The following ZC3H12B variants were observed in gnomAD, a reference collection of about 807,000 sequenced individuals.
The protein encoded by ZC3H12B is probable ribonuclease ZC3H12B.
ZC3H12B carries 7 observed loss-of-function variants against 43.9 expected under a neutral mutation model. The ratio of observed to expected loss-of-function variants is 0.16; its 90% CI spans 0.09 to 0.30. The LOEUF (loss-of-function observed/expected upper bound fraction) is 0.30, where lower values mean the gene tolerates loss of function less well. Ranked by LOEUF, ZC3H12B falls within the 10% of genes least tolerant of loss-of-function variation. ZC3H12B has a pLI of 1.00. For missense variants in ZC3H12B, 475 were observed against 670.2 expected (o/e 0.71, Z 3.22); for synonymous variants, 222 against 241.7 (o/e 0.92, Z 0.76).
At chrX:65,311,320 A>C in the ZC3H12B span, among the ~76,000 whole-genome samples, 1 of 112,211 alleles carries the variant, frequency 8.9e-6, no homozygotes, top group African/African-American at 3.2e-5. Context: ...ACCCCATCAA[A>C]AAGTGGGCAA....
chrX:65,329,981 A>G, the ZC3H12B span, among the ~76,000 whole-genome samples: 3 of 112,217 alleles, frequency 2.7e-5, no homozygotes, highest in East Asian at 5.6e-4. Context: ...GTCAGGTAAC[A>G]TGATGCCTCC....
intron 2 of ZC3H12B, among the ~76,000 whole-genome samples, chrX:65,378,965 G>C (rs753187073): frequency 8.9e-6 from 1 of 112,375 alleles, no homozygotes; most frequent in East Asian, 2.8e-4. Context: ...CTATGCCCAC[G>C]GAGTCTCATT....
At chrX:65,115,627 C>T in the ZC3H12B span, among the ~76,000 whole-genome samples, 1 of 111,541 alleles carries the variant, frequency 9.0e-6, no homozygotes, top group Non-Finnish European at 1.9e-5. Flanking sequence ...TAGGGAATCT[C>T]CCCCACTGTT....
chrX:65,182,011 A>G, the ZC3H12B span, among the ~76,000 whole-genome samples: 1 of 112,200 alleles, frequency 8.9e-6, no homozygotes, highest in Non-Finnish European at 1.9e-5. Context: ...CCAAATGCCC[A>G]TCTATGATAG....
the ZC3H12B span, among the ~76,000 whole-genome samples, chrX:65,286,224 A>G: frequency 8.9e-6 from 1 of 112,285 alleles, no homozygotes; most frequent in Non-Finnish European, 1.9e-5. Context: ...ATGGAATACT[A>G]TGTAGCCATA....
the ZC3H12B span, among the ~76,000 whole-genome samples, chrX:65,154,272 A>C: frequency 4.5e-5 from 5 of 111,912 alleles, no homozygotes; most frequent in Non-Finnish European, 5.7e-5. Context: ...AAATTTTCTC[A>C]TGCCGTACAC....
chrX:65,329,891 C>G, the ZC3H12B span, among the ~76,000 whole-genome samples: 1 of 111,131 alleles, frequency 9.0e-6, no homozygotes, highest in Admixed American at 9.6e-5. Context: ...GGGCTCTGTT[C>G]TGTTCCATTG....
At chrX:65,276,139 G>A in the ZC3H12B span, among the ~76,000 whole-genome samples, 1 of 110,615 alleles carries the variant, frequency 9.0e-6, no homozygotes, top group East Asian at 2.8e-4. Context: ...AATAACACAG[G>A]CAGACAAAAA....
At chrX:65,058,008 C>G in the ZC3H12B span, among the ~76,000 whole-genome samples, 1 of 111,842 alleles carries the variant, frequency 8.9e-6, no homozygotes, top group Non-Finnish European at 1.9e-5. Flanking sequence ...AGGTTTTTAG[C>G]TTCTTTGCGA....
intron 3 of ZC3H12B, among the ~76,000 whole-genome samples, chrX:65,438,770 G>A (rs1181953695): frequency 8.8e-6 from 1 of 113,553 alleles, no homozygotes; most frequent in East Asian, 2.8e-4. Flanking sequence ...CCTTTAAGCG[G>A]TTTTCCGCCC....
intron 3 of ZC3H12B, among the ~76,000 whole-genome samples, chrX:65,407,632 G>A (rs2066848407): frequency 8.8e-6 from 1 of 113,579 alleles, no homozygotes; most frequent in Non-Finnish European, 1.9e-5. Context: ...AAGAGGAGGC[G>A]GACCAGGAGA....
Position 65,498,909 on chromosome X carries a change from G to T in ZC3H12B, c.749-90G>T. The T allele has an allele frequency of 2.8e-6, 2 of 715,029 alleles. 1 individual carries two copies. The highest frequency in any genetic ancestry group is 4.3e-6 in the Non-Finnish European group (2 of 468,959). 58.9% of individuals were successfully genotyped at this position (715,029 alleles called of 1,213,427 possible). A position where few individuals can be genotyped will look rare whatever the true frequency, so the allele number is the denominator to read the frequency against. On this transcript the variant is annotated intron_variant, in intron 2 of 4. Transcript: ENST00000338957. ...TAAGAGCAAATAATATCTTCATCCAGTACCAACTTTTGCATTTTTAATATT... is the reference window on the plus strand; with the variant it reads ...TAAGAGCAAATAATATCTTCATCCATTACCAACTTTTGCATTTTTAATATT...
chrX:65,473,495 G>A (rs1162237105), intron 3 of ZC3H12B, among the ~76,000 whole-genome samples: 1 of 112,017 alleles, frequency 8.9e-6, no homozygotes, highest in Non-Finnish European at 1.9e-5. Flanking sequence ...CTCACTTTGG[G>A]TAGTATGGAC....
chrX:65,446,317 G>T (rs2067375710), intron 3 of ZC3H12B, among the ~76,000 whole-genome samples: 1 of 111,943 alleles, frequency 8.9e-6, no homozygotes, highest in East Asian at 2.8e-4. Flanking sequence ...GGTTAAGAGA[G>T]AGGTGACACA....
the ZC3H12B span, among the ~76,000 whole-genome samples, chrX:65,314,308 A>G: frequency 3.6e-5 from 4 of 111,876 alleles, no homozygotes. Context: ...TTACACATTT[A>G]AGAAGCTTAG....
chrX:65,489,042 T>C, exon 1 of ZC3H12B: 1 of 1,211,866 alleles, frequency 8.3e-7, no homozygotes. Flanking sequence ...CCGCCAGCTC[T>C]GTCGATCACC....
At chrX:65,251,379 C>A in the ZC3H12B span, among the ~76,000 whole-genome samples, 2 of 111,474 alleles carry the variant, frequency 1.8e-5, no homozygotes, top group Non-Finnish European at 3.8e-5. Flanking sequence ...CGTGATGCCT[C>A]CAGCTTTGTT....
At chrX:65,261,803 G>A in the ZC3H12B span, among the ~76,000 whole-genome samples, 1 of 110,879 alleles carries the variant, frequency 9.0e-6, no homozygotes, top group Non-Finnish European at 1.9e-5. Flanking sequence ...ATATTATAAT[G>A]CAGGTAGTAA....
the ZC3H12B span, among the ~76,000 whole-genome samples, chrX:65,215,016 A>G: frequency 9.0e-6 from 1 of 111,355 alleles, no homozygotes; most frequent in African/African-American, 3.3e-5. Flanking sequence ...AATATTTCCA[A>G]AAGAATTCTT....
Sources: gnomAD v4.1 joint callset for allele counts (sites outside exome capture counted in the v4.1 genomes callset) on GRCh38, gnomAD v4.1.1 for gene constraint, MANE v1.5 for transcripts, NCBI Gene and HGNC (gene_info 2026-07-23, HGNC 2026-07-21) for gene names.